Variants in PSMD14 observed in about 807,000 individuals in gnomAD.
The protein encoded by PSMD14 is proteasome 26S subunit, non-ATPase 14, also known as ubiquitin C-terminal hydrolase PSMD14.
In PSMD14, 7 loss-of-function variants were observed where a neutral mutation model predicts 41.2. The ratio of observed to expected loss-of-function variants is 0.17; its 90% CI spans 0.10 to 0.32. The LOEUF (loss-of-function observed/expected upper bound fraction) is 0.32. Among genes scored for constraint, PSMD14 ranks in the 10% least tolerant of loss-of-function variants. PSMD14 has a pLI of 1.00. For missense variants in PSMD14, 139 were observed against 375.6 expected, an observed-to-expected ratio of 0.37 and a Z score of 5.21; for synonymous variants, 114 against 122.3, an observed-to-expected ratio of 0.93 and a Z score of 0.45.
At chr2:161,408,656 G>A in intron 10 of PSMD14, 181 bp from the exon 11 acceptor site, 1 of 520,368 alleles carries the variant, frequency 1.9e-6, no homozygotes, top group East Asian at 3.2e-5. Context: ...TGATGATGCT[G>A]ATAGTTTTTA....
chr2:161,357,153 A>G (rs1291705829), intron 3 of PSMD14, among the ~76,000 whole-genome samples: 2 of 143,836 alleles, frequency 1.4e-5, no homozygotes, highest in Non-Finnish European at 3.0e-5. Flanking sequence ...TCAGATTTTA[A>G]TCTTCTAAAT....
At chr2:161,341,090 C>T in intron 3 of PSMD14, 7 of 1,518,226 alleles carry the variant, frequency 4.6e-6, no homozygotes, top group African/African-American at 2.8e-5. Flanking sequence ...GCTCCCCCAG[C>T]CCCGCGGGCT....
At chr2:161,368,531 C>T (rs569315702) in intron 5 of PSMD14, among the ~76,000 whole-genome samples, 1 of 151,998 alleles carries the variant, frequency 6.6e-6, no homozygotes, top group East Asian at 1.9e-4. Context: ...TTGTTTGATG[C>T]ATTAGACTTG....
chr2:161,329,965 A>G (rs771631483), intron 3 of PSMD14, among the ~76,000 whole-genome samples: 2 of 152,254 alleles, frequency 1.3e-5, no homozygotes, highest in East Asian at 1.9e-4. Flanking sequence ...AGGGACATAA[A>G]TTTTCCATAG....
chr2:161,391,938 A>G (rs1683717595), intron 9 of PSMD14, among the ~76,000 whole-genome samples: 1 of 152,202 alleles, frequency 6.6e-6, no homozygotes, highest in African/African-American at 2.4e-5. Flanking sequence ...CTCTAAAGAA[A>G]ACTAAGCTGA....
intron 3 of PSMD14, among the ~76,000 whole-genome samples, chr2:161,329,243 T>C (rs1369541902): frequency 6.6e-6 from 1 of 152,150 alleles, no homozygotes; most frequent in Non-Finnish European, 1.5e-5. Context: ...AGATTATTGT[T>C]CTATTTTTAT....
rs184244309 is a variant in PSMD14 at position 161,358,905 on chromosome 2, A to T, written c.49-8573A>T. ...GGCATAGCCATCTAGCACATGAAGT[A>T]TCTTGAAAACCCTTCGTATTTGAGA... On this transcript the variant is annotated intron_variant, in intron 3 of 11. Coordinates refer to ENST00000409682, the MANE Select transcript of PSMD14 (RefSeq NM_005805.6). Among the ~76,000 whole-genome samples the T allele has an allele frequency of 3.0e-4, 46 of 152,354 alleles. 1 individual carries two copies. Among genetic ancestry groups the T allele is most frequent in the African/African-American group, 1.1e-3 (44 of 41,584 alleles).
intron 8 of PSMD14, among the ~76,000 whole-genome samples, chr2:161,389,895 T>TTTTTTTTTTTTTTTTTTTG (rs1559052976): frequency 2.1e-5 from 2 of 93,964 alleles, no homozygotes; most frequent in African/African-American, 7.6e-5. Flanking sequence ...TGTTGTTTTT[T>TTTTTTTTTTTTTTTTTTTG]TTTTTTTTTT....
At chr2:161,375,712 GA>G (rs985165366) in intron 7 of PSMD14, among the ~76,000 whole-genome samples, 2 of 151,794 alleles carry the variant, frequency 1.3e-5, no homozygotes, top group African/African-American at 4.8e-5. Flanking sequence ...GGGCTTTGGA[GA>G]ATAAATACAA....
chr2:161,397,043 T>A (rs1683809366), intron 10 of PSMD14, among the ~76,000 whole-genome samples: 1 of 152,120 alleles, frequency 6.6e-6, no homozygotes, highest in African/African-American at 2.4e-5. Flanking sequence ...TGGCCATGGC[T>A]GTTCTCAAAC....
At chr2:161,365,839 A>G (rs1019715005) in intron 3 of PSMD14, among the ~76,000 whole-genome samples, 3 of 152,126 alleles carry the variant, frequency 2.0e-5, no homozygotes, top group Non-Finnish European at 4.4e-5. Flanking sequence ...TGAAATATAC[A>G]TTATTATTAA....
intron 3 of PSMD14, among the ~76,000 whole-genome samples, chr2:161,327,946 C>CTGTATGTGTGTGTGTGTGTGTGTG (rs1682724537): frequency 8.5e-6 from 1 of 117,116 alleles, no homozygotes; most frequent in African/African-American, 3.2e-5. Context: ...CTCATGTAAG[C>CTGTATGTGTGTGTGTGTGTGTGTG]TGTGTGTGTG....
intron 7 of PSMD14, among the ~76,000 whole-genome samples, chr2:161,373,983 T>C (rs1330261716): frequency 6.6e-6 from 1 of 151,698 alleles, no homozygotes; most frequent in East Asian, 1.9e-4. Flanking sequence ...ATGTTATTAG[T>C]GGTTAAAAAA....
At chr2:161,333,971 C>T (rs1273819273) in intron 3 of PSMD14, among the ~76,000 whole-genome samples, 1 of 150,738 alleles carries the variant, frequency 6.6e-6, no homozygotes, top group Non-Finnish European at 1.5e-5. Flanking sequence ...GTGGAGGTTG[C>T]AGTGAGCTGA....
intron 10 of PSMD14, among the ~76,000 whole-genome samples, chr2:161,397,666 A>G (rs1044878895): frequency 6.6e-6 from 1 of 152,192 alleles, no homozygotes; most frequent in East Asian, 1.9e-4. Context: ...ACAGTGTATA[A>G]AATTTACCAA....
intron 3 of PSMD14, among the ~76,000 whole-genome samples, chr2:161,336,748 A>G (rs1050613627): frequency 4.0e-5 from 6 of 151,816 alleles, no homozygotes; most frequent in Non-Finnish European, 8.8e-5. Context: ...GCTAATTTTT[A>G]TATTTTTAAT....
intron 3 of PSMD14, among the ~76,000 whole-genome samples, chr2:161,326,384 A>C (rs747128037): frequency 7.9e-5 from 12 of 152,156 alleles, no homozygotes; most frequent in Non-Finnish European, 1.3e-4. Context: ...TATCCAAATT[A>C]AACAACAACA....
At chr2:161,355,855 C>T (rs947345543) in intron 3 of PSMD14, among the ~76,000 whole-genome samples, 1 of 152,118 alleles carries the variant, frequency 6.6e-6, no homozygotes, top group Non-Finnish European at 1.5e-5. Flanking sequence ...TAAATGGAAA[C>T]CCTATGTGAT....
chr2:161,380,065 A>G (rs1574136284), intron 7 of PSMD14, among the ~76,000 whole-genome samples: 1 of 152,070 alleles, frequency 6.6e-6, no homozygotes. Context: ...CATCAGTGCC[A>G]CAGTTAGTAA....
Sources: allele counts gnomAD v4.1 joint callset (sites outside exome capture counted in the v4.1 genomes callset), GRCh38; gene constraint gnomAD v4.1.1; transcripts MANE v1.5; gene names NCBI Gene and HGNC (gene_info 2026-07-23, HGNC 2026-07-21).